The following EYS variants were observed in gnomAD, a reference collection of about 807,000 sequenced individuals.
EYS encodes EGF-like photoreceptor maintenance factor.
EYS carries 250 observed loss-of-function variants against 282.1 expected under a neutral mutation model. The ratio of observed to expected loss-of-function variants is 0.89; its 90% CI spans 0.80 to 0.98. The LOEUF (loss-of-function observed/expected upper bound fraction) is 0.98, where lower values mean the gene tolerates loss of function less well. EYS is among the 50% of genes least tolerant of loss of function. The pLI, the probability that EYS is intolerant of heterozygous loss-of-function variation, is 0.00. For missense variants in EYS, 4,016 were observed against 3,709.0 expected, an observed-to-expected ratio of 1.08 and a Z score of -2.15; for synonymous variants, 1,355 against 1,282.9, an observed-to-expected ratio of 1.06 and a Z score of -1.20.
chr6:63,755,890 C>T (rs181255724), intron 41 of EYS, among the ~76,000 whole-genome samples: 66 of 152,136 alleles, frequency 4.3e-4, no homozygotes, highest in African/African-American at 9.2e-4. Flanking sequence ...ATTCTCTTTG[C>T]GGCAACTGTG....
At chr6:65,122,081 T>A (rs189029923) in intron 12 of EYS, among the ~76,000 whole-genome samples, 1 of 152,244 alleles carries the variant, frequency 6.6e-6, no homozygotes, top group East Asian at 1.9e-4. Flanking sequence ...TAAAATAAAC[T>A]TTCATATGAG....
At chr6:64,081,810 T>G (rs1343067455) in intron 32 of EYS, 46 bp downstream of exon 32, 4 of 1,371,660 alleles carry the variant, frequency 2.9e-6, no homozygotes, top group African/African-American at 1.5e-5. Flanking sequence ...GATCAACGTT[T>G]GAGAAAGAAA....
At chr6:64,997,198 T>C (rs754616233) in intron 14 of EYS, among the ~76,000 whole-genome samples, 22 of 152,146 alleles carry the variant, frequency 1.4e-4, no homozygotes, top group Admixed American at 7.2e-4. Flanking sequence ...AAATGTAAGA[T>C]AATGATAATG....
intron 12 of EYS, among the ~76,000 whole-genome samples, chr6:65,264,949 C>T (rs939989284): frequency 2.0e-5 from 3 of 151,470 alleles, no homozygotes; most frequent in Non-Finnish European, 4.4e-5. Context: ...AAACAATATT[C>T]TATTGCATTA....
intron 1 of EYS, among the ~76,000 whole-genome samples, chr6:65,691,404 C>T (rs963765191): frequency 1.7e-4 from 25 of 150,160 alleles, no homozygotes; most frequent in African/African-American, 5.8e-4. Flanking sequence ...CTGTTCATAT[C>T]CTTTGCCTAC....
chr6:64,408,852 A>G (rs1773801671), intron 28 of EYS, among the ~76,000 whole-genome samples: 1 of 152,108 alleles, frequency 6.6e-6, no homozygotes, highest in African/African-American at 2.4e-5. Context: ...ACATGGGCAA[A>G]TTGTATGTTG....
chr6:64,557,742 G>T (rs1009349985), intron 26 of EYS, among the ~76,000 whole-genome samples: 1 of 151,942 alleles, frequency 6.6e-6, no homozygotes, highest in African/African-American at 2.4e-5. Flanking sequence ...TATTATAGGG[G>T]TCAGCAAACA....
intron 22 of EYS, among the ~76,000 whole-genome samples, chr6:64,807,124 C>A (rs961929511): frequency 6.6e-6 from 1 of 152,022 alleles, no homozygotes; most frequent in Non-Finnish European, 1.5e-5. Flanking sequence ...TGAACAAAGT[C>A]ATTAATGTCT....
In EYS at chr6:64,245,338, G is replaced by GT. The variant is rs927467514; in HGVS notation, c.6192-14515dup. On this transcript the variant is annotated intron_variant, in intron 30 of 42. Transcript: ENST00000503581. ...TGGGTGTTTTGTTTTGTTTTGTTTT[G>GT]TTTTTTGGCAGCATCTTAGTTGCCT... is the stretch of plus-strand genomic sequence containing the variant. 4.0e-5 allele frequency among the ~76,000 whole-genome samples: 6 copies of GT among 151,666 alleles called. 1 individual carries two copies. The highest frequency in any genetic ancestry group is 3.3e-4 in the Admixed American group (5 of 15,210).
rs781544873 is a variant in EYS, at chr6:64,813,462, T to C, written c.3359A>G (p.Asn1120Ser). ...TGAYCEKSID[N>S]CAEPELNSVI... Reference sequence around the variant, plus strand: ...TGAATTAAGTTCAGGCTCAGCACAATTATCAATGCTTTTTTCACAGTATGC... The same window carrying C: ...TGAATTAAGTTCAGGCTCAGCACAACTATCAATGCTTTTTTCACAGTATGC... Residue 1120 changes from asparagine (N) to serine (S), a missense_variant, in exon 22 of 43, where the codon AAT (asparagine) becomes AGT (serine). Asn to Ser is a conservative substitution (Grantham distance 46). Coordinates refer to ENST00000503581, the MANE Select transcript of EYS (RefSeq NM_001142800.2). 63 of 1,550,166 alleles carry C rather than the reference T, an allele frequency of 4.1e-5. No homozygotes were observed. Among genetic ancestry groups the C allele is most frequent in the East Asian group, 9.8e-5 (4 of 40,864 alleles).
chr6:64,072,238 C>T (rs993139748), intron 32 of EYS, among the ~76,000 whole-genome samples: 2 of 151,868 alleles, frequency 1.3e-5, no homozygotes, highest in East Asian at 1.9e-4. Context: ...TCTAAATGTC[C>T]TATTTTAGGA....
At chr6:65,062,773 G>T (rs189867661) in intron 12 of EYS, among the ~76,000 whole-genome samples, 3 of 151,848 alleles carry the variant, frequency 2.0e-5, no homozygotes, top group Non-Finnish European at 4.4e-5. Context: ...CCAGTTTTTG[G>T]TGTAAATGGA....
chr6:64,828,977 G>A (rs76252982), intron 19 of EYS, among the ~76,000 whole-genome samples: 2,606 of 152,022 alleles, frequency 0.017, 75 homozygotes, highest in African/African-American at 0.059. Context: ...GACATCCTTC[G>A]GATGGGCAGA....
At chr6:64,506,027 G>A (rs1777198189) in intron 26 of EYS, among the ~76,000 whole-genome samples, 1 of 152,088 alleles carries the variant, frequency 6.6e-6, no homozygotes, top group African/African-American at 2.4e-5. Context: ...CTCATTCACA[G>A]TATAATTGGG....
chr6:65,235,680 T>C (rs144159677), intron 12 of EYS, among the ~76,000 whole-genome samples: 12 of 152,322 alleles, frequency 7.9e-5, no homozygotes, highest in African/African-American at 2.6e-4. Flanking sequence ...CAAAATTATG[T>C]GATTCTGGTA....
chr6:64,430,554 AACT>A (rs1401159506), intron 28 of EYS, among the ~76,000 whole-genome samples: 2 of 152,218 alleles, frequency 1.3e-5, no homozygotes, highest in East Asian at 3.8e-4. Context: ...GTTCAAATTC[AACT>A]ACTAAGTGTT....
intron 11 of EYS, among the ~76,000 whole-genome samples, chr6:65,316,471 G>T (rs1347502202): frequency 7.5e-6 from 1 of 133,494 alleles, no homozygotes; most frequent in Non-Finnish European, 1.6e-5. Context: ...TTTTTTAATC[G>T]TCAACTTTTT....
rs186120708 is a variant in EYS, at chr6:65,350,381, G to C, written c.1459+3077C>G. Among the ~76,000 whole-genome samples the C allele has an allele frequency of 3.6e-3, 552 of 151,448 alleles. 2 individuals are homozygous for C. Among genetic ancestry groups the C allele is most frequent in the Middle Eastern group, 0.01 (3 of 290 alleles). Reference sequence around the variant, plus strand: ...TAATATTCTGGAATGTCTTCTACCAGAAGATCCATTACTTTATAAAGGAAA... The same window carrying C: ...TAATATTCTGGAATGTCTTCTACCACAAGATCCATTACTTTATAAAGGAAA... On this transcript the variant is annotated intron_variant, in intron 9 of 42. Coordinates refer to ENST00000503581, the MANE Select transcript of EYS (RefSeq NM_001142800.2).
At chr6:65,188,817 G>A (rs1765573499) in intron 12 of EYS, among the ~76,000 whole-genome samples, 1 of 149,698 alleles carries the variant, frequency 6.7e-6, no homozygotes, top group Non-Finnish European at 1.5e-5. Flanking sequence ...CAAGAAATGG[G>A]GACAGCTTCT....
Sources: allele counts gnomAD v4.1 joint callset (sites outside exome capture counted in the v4.1 genomes callset), GRCh38; gene constraint gnomAD v4.1.1; transcripts MANE v1.5; gene names NCBI Gene and HGNC (gene_info 2026-07-23, HGNC 2026-07-21).